The following CHUK variants were observed in gnomAD, a reference collection of about 807,000 sequenced individuals.
CHUK encodes the protein inhibitor of nuclear factor kappa-B kinase subunit alpha.
A neutral mutation model predicts 104.8 loss-of-function variants in CHUK; 35 were observed. The ratio of observed to expected loss-of-function variants is 0.33; its 90% confidence interval spans 0.26 to 0.44. The LOEUF (loss-of-function observed/expected upper bound fraction) is 0.44, where lower values mean the gene tolerates loss of function less well. Among genes scored for constraint, CHUK ranks in the 20% least tolerant of loss-of-function variants. The pLI is 1.00. For missense variants in CHUK, 663 were observed against 902.7 expected (o/e 0.73, Z 3.40); for synonymous variants, 276 against 291.9 (o/e 0.95, Z 0.56).
chr10:100,218,896 T>C, intron 7 of CHUK, 71 bp from the exon 8 acceptor site: 1 of 1,511,494 alleles, frequency 6.6e-7, no homozygotes. Context: ...CATTTAATTA[T>C]ATTTAATTGT....
At position 100,200,675 on chromosome 10, in the gene CHUK, A is replaced by G. The variant is rs573466829; in HGVS notation, c.1675T>C (p.Ser559Pro). The G allele has an allele frequency of 5.2e-5, 75 of 1,438,128 alleles. No homozygotes were observed. The highest frequency in any genetic ancestry group is 1.7e-4 in the Middle Eastern group (1 of 5,742). 89.1% of individuals were successfully genotyped at this position (1,438,128 alleles called of 1,614,324 possible). The change falls in exon 15 of 21, where the codon TCT becomes CCT. Residue 559 changes from serine (S) to proline (P), a missense_variant. By Grantham distance (74) the Ser-to-Pro change is moderately conservative (BLOSUM62 -1). This residue lies in a region of CHUK where 311 missense variants were observed against 393.4 expected (regional missense o/e 0.79). Coordinates refer to ENST00000370397, the MANE Select transcript of CHUK (RefSeq NM_001278.5). ...ACAACACAAGTGCATCCTTACAGAG[A>G]TTCCATCAAGTCTCCCTGACGTCTT... is the stretch of plus-strand genomic sequence containing the variant. ...YGRRQGDLMESLEQRAIDLYK... is the reference protein window; with the variant it reads ...YGRRQGDLMEPLEQRAIDLYK...
intron 16 of CHUK, among the ~76,000 whole-genome samples, chr10:100,196,713 T>TA (rs1237777325): frequency 2.0e-5 from 3 of 152,038 alleles, no homozygotes; most frequent in Non-Finnish European, 2.9e-5. Context: ...TTAATGAATG[T>TA]TTTGGGTCAA....
intron 16 of CHUK, among the ~76,000 whole-genome samples, chr10:100,197,801 T>C (rs1270204198): frequency 5.9e-5 from 9 of 152,084 alleles, no homozygotes. Context: ...AGTGGAAGGA[T>C]CACTTGAACC....
In CHUK at chr10:100,207,328, CCT is replaced by C; in HGVS notation, c.1131_1132del (p.Gly378LeufsTer2). 2 of 1,430,006 alleles carry C rather than the reference CCT, an allele frequency of 1.4e-6. No individual in the cohort carries two copies. The highest frequency in any genetic ancestry group is 2.0e-6 in the Non-Finnish European group (2 of 1,013,598). 88.6% of individuals were successfully genotyped at this position (1,430,006 alleles called of 1,614,324 possible). A position where few individuals can be genotyped will look rare whatever the true frequency, so the allele number is the denominator to read the frequency against. On this transcript the variant is annotated frameshift_variant and splice_region_variant, in exon 11 of 21. Transcript: ENST00000370397. LOFTEE classifies it high-confidence loss of function. ...CAAATAAACCATATAGCTATCACAGCCTCTCTGAAAAAGAAACAAACAGTTAA... is the reference window on the plus strand; with the variant it reads ...CAAATAAACCATATAGCTATCACAGCCTCTGAAAAAGAAACAAACAGTTAA...
chr10:100,208,768 A>C (rs1745466727), intron 10 of CHUK, among the ~76,000 whole-genome samples: 2 of 125,312 alleles, frequency 1.6e-5, no homozygotes, highest in South Asian at 4.8e-4. Flanking sequence ...CCTGGGCAAC[A>C]GAGCAAGACT....
Position 100,207,285 on chromosome 10 carries a change from A to T in CHUK, c.1176T>A (p.Thr392=). 5 of 1,578,970 alleles carry T rather than the reference A, an allele frequency of 3.2e-6. No individual in the cohort carries two copies. The highest frequency in any genetic ancestry group is 4.4e-6 in the Non-Finnish European group (5 of 1,148,952). The part of the protein sequence containing the change: ...YMVYLFDKSK[T]VYEGPFASRS... ...TGGAAGCAAATGGCCCTTCATATAC[A>T]GTTTTACTTTTATCAAACAAATAAA... The change falls in exon 11 of 21, where the codon ACT becomes ACA. Residue 392 remains threonine (T), a synonymous_variant. Coordinates refer to ENST00000370397, the MANE Select transcript of CHUK (RefSeq NM_001278.5).
chr10:100,197,657 C>T (rs948662022), intron 16 of CHUK, among the ~76,000 whole-genome samples: 4 of 152,156 alleles, frequency 2.6e-5, no homozygotes, highest in Non-Finnish European at 5.9e-5. Context: ...TCCTGAAACT[C>T]TACACTCCAG....
At chr10:100,219,405 T>C (rs758546490) in intron 5 of CHUK, 46 bp from the exon 6 acceptor site, 278 of 1,111,442 alleles carry the variant, frequency 2.5e-4, no homozygotes, top group Non-Finnish European at 1.6e-4. Flanking sequence ...TAGAGAAATT[T>C]AAAAAGGAAA....
chr10:100,192,645 T>C lies in CHUK; in HGVS notation c.2108+653A>G, dbSNP rs17885886. ...CCATGAGTTGTGAGAAAAGCGACAA[T>C]ACACAAGCTAGCAAAGAGCCACTGG... On this transcript the variant is annotated intron_variant, in intron 19 of 20. Transcript: ENST00000370397. 2,574 of 986,376 alleles carry C rather than the reference T, an allele frequency of 2.6e-3. 72 individuals are homozygous for C. The African/African-American group carries it at 0.041, about 16-fold the overall frequency. The allele number at this position is 986,376 out of a possible 1,614,324, so 61.1% of individuals were successfully genotyped here.
intron 10 of CHUK, 54 bp downstream of exon 10, chr10:100,209,541 C>T (rs1440382600): frequency 1.7e-5 from 19 of 1,128,062 alleles, no homozygotes; most frequent in East Asian, 1.6e-4. Flanking sequence ...TTGCAGGGCA[C>T]GCAATCCCTC....
In CHUK at chr10:100,218,798, T is replaced by C. The variant is rs56255532; in HGVS notation, c.717A>G (p.Pro239=). The stretch of plus-strand genomic sequence containing the variant: ...TCTCTTCACATGCAAATATACACTT[T>C]GGATCCTTCTTCTTAATCTTCTCAT... ...TWHEKIKKKD[P]KCIFACEEMS... The change falls in exon 8 of 21, where the codon CCA becomes CCG. Residue 239 remains proline, a synonymous_variant. Transcript: ENST00000370397. 9.3e-6 allele frequency: 15 copies of C among 1,613,756 alleles called. No homozygotes were observed. Among genetic ancestry groups the C allele is most frequent in the African/African-American group, 8.0e-5 (6 of 74,930 alleles).
intron 9 of CHUK, among the ~76,000 whole-genome samples, chr10:100,215,987 C>T (rs1185210604): frequency 2.6e-5 from 4 of 152,202 alleles, no homozygotes; most frequent in Non-Finnish European, 5.9e-5. Flanking sequence ...CCTTATTCTG[C>T]ATAACCTCAT....
At chr10:100,219,233 T>C in intron 6 of CHUK, 37 bp downstream of exon 6, 1 of 1,543,128 alleles carries the variant, frequency 6.5e-7, no homozygotes, top group Non-Finnish European at 9.0e-7. Context: ...GAGAATCCTA[T>C]ACACACTTAA....
Position 100,196,744 on chromosome 10 carries a change from A to G in CHUK, c.1730-2223T>C, listed in dbSNP as rs1419815265. 2.0e-5 allele frequency among the ~76,000 whole-genome samples: 3 copies of G among 152,250 alleles called. No homozygotes were observed. The East Asian group carries it at 5.8e-4, about 29-fold the overall frequency. ...GTCAACAACATCTTCCACTGCACAC[A>G]GTGGCTTTTAGAAGTCTTTAGCACT... On this transcript the variant is annotated intron_variant, in intron 16 of 20. Coordinates refer to ENST00000370397, the MANE Select transcript of CHUK (RefSeq NM_001278.5).
rs764914118 is a variant in CHUK at position 100,228,993 on chromosome 10, G to GCGCACACACACACA, written c.105+434_105+435insTGTGTGTGTGTGCG. Among the ~76,000 whole-genome samples the GCGCACACACACACA allele has an allele frequency of 1.5e-3, 194 of 133,542 alleles. 1 individual carries two copies. Among genetic ancestry groups the GCGCACACACACACA allele is most frequent in the East Asian group, 6.2e-3 (27 of 4,338 alleles). The allele number at this position is 133,542 out of a possible 152,430, so 87.6% of individuals were successfully genotyped here. A position where few individuals can be genotyped will look rare whatever the true frequency, so the allele number is the denominator to read the frequency against. ...GGCCTCCAAGCGCGCGCGCGCGCGC[G>GCGCACACACACACA]CACACACACACACACACACACACAC... On this transcript the variant is annotated intron_variant, in intron 1 of 20. Transcript: ENST00000370397.
intron 16 of CHUK, among the ~76,000 whole-genome samples, chr10:100,197,143 C>T (rs1407124968): frequency 1.3e-5 from 2 of 152,168 alleles, no homozygotes; most frequent in Non-Finnish European, 2.9e-5. Context: ...AGGCTACATA[C>T]CTGTTCAGCA....
Position 100,222,066 on chromosome 10 carries a change from C to T in CHUK, c.385+46G>A, listed in dbSNP as rs367816753. The stretch of plus-strand genomic sequence containing the variant: ...AATTCCCAAAAAGATCTTTTATGGG[C>T]CAAAGGGACATTACATTACAATGGT... On this transcript the variant is annotated intron_variant, in intron 4 of 20. Coordinates refer to ENST00000370397, the MANE Select transcript of CHUK (RefSeq NM_001278.5). The T allele has an allele frequency of 6.1e-6, 6 of 980,868 alleles. No homozygotes were observed. In the East Asian group the frequency reaches 9.5e-5, roughly 16 times the overall value. 60.8% of individuals were successfully genotyped at this position (980,868 alleles called of 1,614,324 possible). A position where few individuals can be genotyped will look rare whatever the true frequency, so the allele number is the denominator to read the frequency against.
intron 9 of CHUK, among the ~76,000 whole-genome samples, chr10:100,213,758 G>A (rs1845790093): frequency 6.6e-6 from 1 of 152,140 alleles, no homozygotes; most frequent in South Asian, 2.1e-4. Context: ...CAGACCTCAA[G>A]TGATCTGCCT....
intron 14 of CHUK, among the ~76,000 whole-genome samples, 171 bp downstream of exon 14, chr10:100,201,917 T>C (rs1845472286): frequency 6.6e-6 from 1 of 152,204 alleles, no homozygotes; most frequent in Non-Finnish European, 1.5e-5. Context: ...CCAAAGCCCT[T>C]GTTTTTAATC....
Sources: gnomAD v4.1 joint callset for allele counts (sites outside exome capture counted in the v4.1 genomes callset) on GRCh38, gnomAD v4.1.1 for gene constraint, gnomAD v4.1.1 regional missense constraint, MANE v1.5 for transcripts, NCBI Gene and HGNC (gene_info 2026-07-23, HGNC 2026-07-21) for gene names.